ARHGEF18: variants seen among roughly 807,000 people sequenced by gnomAD.
The protein encoded by ARHGEF18 is Rho/Rac guanine nucleotide exchange factor 18, also known as rho guanine nucleotide exchange factor 18.
In ARHGEF18, 93 loss-of-function variants were observed where a neutral mutation model predicts 155.7. The observed-to-expected ratio is 0.60, with a 90% CI of 0.50 to 0.71. The LOEUF (loss-of-function observed/expected upper bound fraction) is 0.71, where lower values mean the gene tolerates loss of function less well. ARHGEF18 is among the 30% of genes least tolerant of loss of function. ARHGEF18 has a pLI of 0.00. For missense variants in ARHGEF18, 1,593 were observed against 1,816.1 expected (o/e 0.88, Z 2.23); for synonymous variants, 742 against 753.1 (o/e 0.99, Z 0.24).
chr19:7,358,852 CA>C (rs1180303375), intron 1 of ARHGEF18, among the ~76,000 whole-genome samples: 1 of 152,064 alleles, frequency 6.6e-6, no homozygotes, highest in African/African-American at 2.4e-5. Context: ...AGCACTAAGC[CA>C]GACATATAGA....
Position 7,373,025 on chromosome 19 carries a change from C to T in ARHGEF18, c.229C>T (p.Arg77Trp), listed in dbSNP as rs527860753. Residue 77 changes from arginine to tryptophan, a missense_variant, in exon 3 of 29, where the codon CGG becomes TGG. Transcript: ENST00000668164. ...SLAGSQDLSR[R>W]RSWERSRSCS... ...GGCAGGGTCCCAAGACCTGTCAAGG[C>T]GGCGCAGCTGGGAAAGGTCGCGGAG... The T allele has an allele frequency of 1.7e-4, 212 of 1,234,288 alleles. No individual in the cohort carries two copies. Among genetic ancestry groups the T allele is most frequent in the Non-Finnish European group, 1.9e-4 (191 of 988,194 alleles). The allele number at this position is 1,234,288 out of a possible 1,614,324, so 76.5% of individuals were successfully genotyped here. A position where few individuals can be genotyped will look rare whatever the true frequency, so the allele number is the denominator to read the frequency against.
At chr19:7,452,677 G>A (rs943664318) in intron 16 of ARHGEF18, among the ~76,000 whole-genome samples, 3 of 151,548 alleles carry the variant, frequency 2.0e-5, no homozygotes, top group Non-Finnish European at 4.4e-5. Context: ...TGTTGGTCAG[G>A]CTGGTCTTGA....
At chr19:7,452,030 C>G (rs532993139) in intron 16 of ARHGEF18, among the ~76,000 whole-genome samples, 1 of 152,024 alleles carries the variant, frequency 6.6e-6, no homozygotes, top group East Asian at 1.9e-4. Context: ...CCCAGCCTGG[C>G]CTGGGGCTTT....
downstream of ARHGEF18, among the ~76,000 whole-genome samples, chr19:7,475,731 T>C (rs943943765): frequency 1.9e-4 from 29 of 152,320 alleles, no homozygotes; most frequent in African/African-American, 7.0e-4. Context: ...CAGGTGGTCA[T>C]GTGGCTTCCC....
intron 1 of ARHGEF18, among the ~76,000 whole-genome samples, chr19:7,352,939 C>T (rs922325460): frequency 5.7e-5 from 8 of 140,902 alleles, no homozygotes; most frequent in African/African-American, 1.9e-4. Flanking sequence ...CAGGTTCAAG[C>T]GATTCTCCTG....
At chr19:7,394,156 T>C (rs772391342) in intron 10 of ARHGEF18, among the ~76,000 whole-genome samples, 2 of 151,108 alleles carry the variant, frequency 1.3e-5, no homozygotes, top group Non-Finnish European at 3.0e-5. Context: ...GGCATGATCA[T>C]AGCTCACCGC....
Position 7,447,599 on chromosome 19 carries a change from G to C in ARHGEF18, c.1737+431G>C, listed in dbSNP as rs188834681. Among the ~76,000 whole-genome samples, 20 of 152,228 alleles carry C rather than the reference G, an allele frequency of 1.3e-4. No homozygotes were observed. In the East Asian group the frequency reaches 3.5e-3, roughly 26 times the overall value. The stretch of plus-strand genomic sequence containing the variant: ...GAGTCTTGAGACTTGGGAATTAAAA[G>C]GCATCTGTTATGTAGCAGTGATTTT... On this transcript the variant is annotated intron_variant, in intron 15 of 28. Transcript: ENST00000668164.
At chr19:7,352,309 C>A (rs1423209599) in intron 1 of ARHGEF18, among the ~76,000 whole-genome samples, 4 of 151,616 alleles carry the variant, frequency 2.6e-5, no homozygotes, top group African/African-American at 9.7e-5. Context: ...CTGGTCCCTC[C>A]TTGCTCCTAG....
chr19:7,371,000 TC>T (rs1970179325), intron 2 of ARHGEF18, among the ~76,000 whole-genome samples: 1 of 151,646 alleles, frequency 6.6e-6, no homozygotes, highest in Non-Finnish European at 1.5e-5. Context: ...AGCTTTGACC[TC>T]CCAGGTTCAA....
At chr19:7,450,005 T>G (rs28428813) in intron 15 of ARHGEF18, among the ~76,000 whole-genome samples, 4,351 of 152,266 alleles carry the variant, frequency 0.029, 200 homozygotes, top group African/African-American at 0.095. Flanking sequence ...ATACAGCAGG[T>G]GATCCCTGCG....
At chr19:7,474,071 G>A (rs900785852), downstream of ARHGEF18, among the ~76,000 whole-genome samples, 1 of 152,002 alleles carries the variant, frequency 6.6e-6, no homozygotes, top group Non-Finnish European at 1.5e-5. Flanking sequence ...GGACGCAGTG[G>A]CTCACGCCTG....
intron 10 of ARHGEF18, among the ~76,000 whole-genome samples, chr19:7,412,049 T>A (rs972492057): frequency 1.3e-5 from 2 of 151,914 alleles, no homozygotes; most frequent in Non-Finnish European, 2.9e-5. Context: ...TTCTTTTTTT[T>A]TTTTGAGATG....
At chr19:7,387,460 TGTTTTTTGA>T (rs1971149657) in intron 10 of ARHGEF18, among the ~76,000 whole-genome samples, 1 of 151,958 alleles carries the variant, frequency 6.6e-6, no homozygotes, top group Non-Finnish European at 1.5e-5. Context: ...CGCTGTTTTT[TGTTTTTTGA>T]GTTTTTTTGT....
At position 7,367,874 on chromosome 19, in the gene ARHGEF18, ATATATATATTT is replaced by A. The variant is rs1301754652; in HGVS notation, c.16-4925_16-4915del. Among the ~76,000 whole-genome samples the A allele has an allele frequency of 5.9e-4, 24 of 40,590 alleles. 5 individuals are homozygous for A. The highest frequency in any genetic ancestry group is 8.5e-4 in the East Asian group (1 of 1,176). 26.6% of individuals were successfully genotyped at this position (40,590 alleles called of 152,430 possible). ...TATATATACACATATATATTTTTAT[ATATATATATTT>A]TATATATATTTTTTATATATATATA... On this transcript the variant is annotated intron_variant, in intron 2 of 28. Transcript: ENST00000668164.
chr19:7,461,379 T>C (rs1053967674), intron 20 of ARHGEF18, among the ~76,000 whole-genome samples: 2 of 152,024 alleles, frequency 1.3e-5, no homozygotes, highest in African/African-American at 4.8e-5. Context: ...CAAAACCCCG[T>C]TTCTACTAAA....
At chr19:7,459,816 T>A in intron 19 of ARHGEF18, 87 bp from the exon 20 acceptor site, 1 of 1,099,672 alleles carries the variant, frequency 9.1e-7, no homozygotes, top group South Asian at 1.5e-5. Context: ...GAGACGGTCG[T>A]GGCGGCTGGT....
intron 1 of ARHGEF18, among the ~76,000 whole-genome samples, chr19:7,355,415 G>T (rs1969261726): frequency 6.6e-6 from 1 of 152,218 alleles, no homozygotes; most frequent in Non-Finnish European, 1.5e-5. Flanking sequence ...AAGGGACAGA[G>T]GGTGCTAAAG....
rs1300817495 is a variant in ARHGEF18 at position 7,468,879 on chromosome 19, C to T, written c.3535C>T (p.Arg1179Cys). The T allele has an allele frequency of 6.3e-6, 10 of 1,575,980 alleles. No individual in the cohort carries two copies. In the Middle Eastern group the frequency reaches 5.1e-4, roughly 80 times the overall value. The change falls in exon 27 of 29, where the codon CGT (arginine) becomes TGT (cysteine). Residue 1179 changes from arginine (R) to cysteine (C), a missense_variant. Arg to Cys is a radical substitution (Grantham distance 180). Transcript: ENST00000668164. The stretch of plus-strand genomic sequence containing the variant: ...CAACGGGGAAGGGCTGGAGGGCCCT[C>T]GTGTGAGCATGCTGCCATCCGGCGT... Reference protein sequence around the residue: ...SFNGEGLEGPRVSMLPSGVGP... With the variant: ...SFNGEGLEGPCVSMLPSGVGP...
intron 2 of ARHGEF18, among the ~76,000 whole-genome samples, chr19:7,371,771 AG>A (rs1327107641): frequency 6.6e-6 from 1 of 151,850 alleles, no homozygotes; most frequent in East Asian, 1.9e-4. Context: ...CAGTGAGCTG[AG>A]ATTGTACCAC....
Sources: gnomAD v4.1 joint callset for allele counts (sites outside exome capture counted in the v4.1 genomes callset) on GRCh38, gnomAD v4.1.1 for gene constraint, MANE v1.5 for transcripts, NCBI Gene and HGNC (gene_info 2026-07-23, HGNC 2026-07-21) for gene names.